Variants in RBFOX1 observed in about 807,000 individuals in gnomAD.
The protein encoded by RBFOX1 is RNA binding fox-1 homolog 1.
A neutral mutation model predicts 57.7 loss-of-function variants in RBFOX1; 8 were observed. The observed-to-expected ratio is 0.14, with a 90% CI of 0.08 to 0.25. RBFOX1 has a LOEUF of 0.25. Ranked by LOEUF, RBFOX1 falls within the 10% of genes least tolerant of loss-of-function variation. The pLI, the probability that RBFOX1 is intolerant of heterozygous loss-of-function variation, is 1.00. For synonymous variants in RBFOX1, 326 were observed against 222.4 expected, an observed-to-expected ratio of 1.47 and a Z score of -4.15; for missense variants, 611 against 548.5, an observed-to-expected ratio of 1.11 and a Z score of -1.14.
intron 1 of RBFOX1, among the ~76,000 whole-genome samples, chr16:6,120,102 G>A (rs1307347672): frequency 6.6e-6 from 1 of 152,092 alleles, no homozygotes; most frequent in Admixed American, 6.5e-5. Flanking sequence ...GAGCCATGTG[G>A]TAGCACACAT....
intron 2 of RBFOX1, among the ~76,000 whole-genome samples, chr16:5,593,770 A>G (rs1177618756): frequency 1.3e-5 from 2 of 152,224 alleles, no homozygotes; most frequent in African/African-American, 2.4e-5. Context: ...TGGAGTGGCC[A>G]TTCTTTTATT....
At chr16:7,327,773 T>C (rs1040858699) in intron 4 of RBFOX1, among the ~76,000 whole-genome samples, 1 of 151,880 alleles carries the variant, frequency 6.6e-6, no homozygotes, top group Non-Finnish European at 1.5e-5. Flanking sequence ...ATAGCATAAA[T>C]CTAGATTTTA....
intron 2 of RBFOX1, among the ~76,000 whole-genome samples, chr16:6,324,328 C>A (rs1197412183): frequency 6.6e-6 from 1 of 152,114 alleles, no homozygotes; most frequent in Non-Finnish European, 1.5e-5. Context: ...AATTTGTTCT[C>A]ACATTGCTAT....
intron 3 of RBFOX1, among the ~76,000 whole-genome samples, chr16:6,927,031 C>T (rs1277477516): frequency 1.3e-5 from 2 of 152,064 alleles, no homozygotes; most frequent in South Asian, 2.1e-4. Flanking sequence ...TTACTATTAA[C>T]CCTTCGTTAC....
intron 1 of RBFOX1, among the ~76,000 whole-genome samples, chr16:5,418,987 G>T (rs9930163): frequency 3.9e-5 from 6 of 152,134 alleles, no homozygotes; most frequent in African/African-American, 1.4e-4. Context: ...GGATTGGGGC[G>T]CTGAGGGCCA....
intron 2 of RBFOX1, among the ~76,000 whole-genome samples, chr16:6,434,619 A>G (rs1245450784): frequency 2.6e-5 from 4 of 152,074 alleles, no homozygotes. Flanking sequence ...TGGTTCTGTC[A>G]CTCTGCTTCC....
intron 12 of RBFOX1, among the ~76,000 whole-genome samples, chr16:7,656,317 G>C (rs2066285059): frequency 6.6e-6 from 1 of 152,162 alleles, no homozygotes; most frequent in Non-Finnish European, 1.5e-5. Context: ...GAAAAACTTT[G>C]AGGCCACCAT....
intron 1 of RBFOX1, among the ~76,000 whole-genome samples, chr16:5,423,930 A>G (rs2067432891): frequency 6.6e-6 from 1 of 152,182 alleles, no homozygotes; most frequent in African/African-American, 2.4e-5. Flanking sequence ...TTCTCTGACA[A>G]CCTTGTGAGG....
chr16:5,797,885 T>G (rs1237757965), intron 3 of RBFOX1, among the ~76,000 whole-genome samples: 2 of 152,194 alleles, frequency 1.3e-5, no homozygotes, highest in African/African-American at 4.8e-5. Context: ...GGACAGGCTC[T>G]GGAAGGATGT....
At chr16:5,973,517 C>T (rs572505700) in intron 4 of RBFOX1, among the ~76,000 whole-genome samples, 3 of 152,234 alleles carry the variant, frequency 2.0e-5, no homozygotes, top group South Asian at 2.1e-4. Context: ...AAGTCATATA[C>T]GCAGGATATG....
chr16:6,351,635 A>T (rs1404167830), intron 2 of RBFOX1, among the ~76,000 whole-genome samples: 1 of 151,898 alleles, frequency 6.6e-6, no homozygotes, highest in Non-Finnish European at 1.5e-5. Flanking sequence ...TGGCCTCCCA[A>T]AATGTTGGGA....
At chr16:6,498,079 T>C (rs900368034) in intron 2 of RBFOX1, among the ~76,000 whole-genome samples, 9 of 151,504 alleles carry the variant, frequency 5.9e-5, no homozygotes, top group African/African-American at 2.2e-4. Context: ...TGAAACCCCG[T>C]CTCTACTTAA....
intron 2 of RBFOX1, among the ~76,000 whole-genome samples, chr16:6,396,672 G>C (rs747403061): frequency 1.9e-4 from 29 of 152,152 alleles, no homozygotes; most frequent in Admixed American, 5.2e-4. Context: ...TTCTGAGTAA[G>C]TTAACAAAAT....
intron 13 of RBFOX1, among the ~76,000 whole-genome samples, chr16:7,671,882 G>C (rs1176436559): frequency 1.3e-5 from 2 of 152,234 alleles, no homozygotes; most frequent in East Asian, 3.8e-4. Context: ...AGCTTTGTTA[G>C]ATCCTGAGTG....
intron 1 of RBFOX1, among the ~76,000 whole-genome samples, chr16:6,059,761 C>T (rs1249231861): frequency 6.6e-6 from 1 of 152,094 alleles, no homozygotes; most frequent in Non-Finnish European, 1.5e-5. Flanking sequence ...CAGCCAAATT[C>T]ACCATTCAGA....
intron 2 of RBFOX1, among the ~76,000 whole-genome samples, chr16:5,541,960 G>A (rs1288629994): frequency 1.3e-5 from 2 of 152,042 alleles, no homozygotes; most frequent in Non-Finnish European, 2.9e-5. Flanking sequence ...TTTCTTTAGT[G>A]GTGATTTCTG....
chr16:5,694,674 TAC>T (rs2050794072), intron 3 of RBFOX1, among the ~76,000 whole-genome samples: 1 of 152,014 alleles, frequency 6.6e-6, no homozygotes, highest in African/African-American at 2.4e-5. Context: ...TTTCAAATGA[TAC>T]CTCTTAGGGA....
chr16:6,892,365 A>G (rs2065656347), intron 3 of RBFOX1, among the ~76,000 whole-genome samples: 1 of 152,182 alleles, frequency 6.6e-6, no homozygotes, highest in East Asian at 1.9e-4. Flanking sequence ...CTCAGAAAAT[A>G]TCTTAAAATA....
intron 3 of RBFOX1, among the ~76,000 whole-genome samples, chr16:5,605,636 G>T (rs867616985): frequency 4.0e-5 from 6 of 151,112 alleles, no homozygotes; most frequent in Non-Finnish European, 4.4e-5. Flanking sequence ...GGAGAGTGGT[G>T]CCATTGATGA....
Sources: allele counts gnomAD v4.1 joint callset (sites outside exome capture counted in the v4.1 genomes callset), GRCh38; gene constraint gnomAD v4.1.1; transcripts MANE v1.5; gene names NCBI Gene and HGNC (gene_info 2026-07-23, HGNC 2026-07-21).